Variants in RAB11B observed in about 807,000 individuals in gnomAD.
The protein encoded by RAB11B is RAB11B, member RAS oncogene family, also known as ras-related protein Rab-11B.
A neutral mutation model predicts 23.7 loss-of-function variants in RAB11B; 7 were observed. That is an observed-to-expected ratio of 0.29 (90% confidence interval 0.17 to 0.55). The LOEUF (loss-of-function observed/expected upper bound fraction) is 0.55, where lower values mean the gene tolerates loss of function less well. RAB11B is among the 20% of genes least tolerant of loss of function. The pLI, the probability that RAB11B is intolerant of heterozygous loss-of-function variation, is 0.93. For synonymous variants in RAB11B, 138 were observed against 132.0 expected (o/e 1.05, Z -0.31); for missense variants, 189 against 320.0 (o/e 0.59, Z 3.12).
chr19:8,402,315 C>G (rs933603217), intron 3 of RAB11B, 36 bp downstream of exon 3: 1 of 1,537,094 alleles, frequency 6.5e-7, no homozygotes, highest in African/African-American at 1.4e-5. Flanking sequence ...AGAGAGGTGT[C>G]TGGAAGGCAG....
chr19:8,402,372 T>C, intron 3 of RAB11B, 93 bp downstream of exon 3: 1 of 1,535,062 alleles, frequency 6.5e-7, no homozygotes, highest in Non-Finnish European at 8.8e-7. Context: ...CTGGCTTCCC[T>C]TCCCTGAGGA....
chr19:8,394,737 C>T (rs1971383231), intron 1 of RAB11B, among the ~76,000 whole-genome samples: 1 of 152,124 alleles, frequency 6.6e-6, no homozygotes, highest in Non-Finnish European at 1.5e-5. Flanking sequence ...TTGAGACAGC[C>T]TGGCCAACAT....
At chr19:8,393,174 C>T (rs1249062611) in intron 1 of RAB11B, among the ~76,000 whole-genome samples, 1 of 152,190 alleles carries the variant, frequency 6.6e-6, no homozygotes, top group Non-Finnish European at 1.5e-5. Flanking sequence ...CATTTATCCT[C>T]CTAACATTTT....
intron 3 of RAB11B, 52 bp from the exon 4 acceptor site, chr19:8,402,433 G>A: frequency 6.3e-7 from 1 of 1,581,742 alleles, no homozygotes; most frequent in Non-Finnish European, 8.7e-7. Context: ...AGAGCATGTG[G>A]GAGCCTGTCA....
intron 4 of RAB11B, chr19:8,402,992 AC>A: frequency 5.9e-6 from 2 of 340,934 alleles, no homozygotes; most frequent in South Asian, 4.0e-5. Context: ...ACCACCCCTA[AC>A]CTTTGCTTTT....
intron 1 of RAB11B, among the ~76,000 whole-genome samples, chr19:8,393,566 TC>T (rs955612501): frequency 2.6e-5 from 4 of 152,216 alleles, no homozygotes; most frequent in African/African-American, 9.6e-5. Flanking sequence ...GGCCTGCTGT[TC>T]CAGTTGCTGT....
intron 2 of RAB11B, among the ~76,000 whole-genome samples, chr19:8,400,995 G>T (rs1253072184): frequency 1.3e-5 from 2 of 151,996 alleles, no homozygotes; most frequent in African/African-American, 4.8e-5. Context: ...AGGCTCAAGC[G>T]ATTCTCCTGC....
intron 4 of RAB11B, 89 bp downstream of exon 4, chr19:8,402,654 C>CTTGTGTTTTTCTTT (rs1971447846): frequency 1.4e-5 from 13 of 930,042 alleles, no homozygotes; most frequent in Non-Finnish European, 2.2e-5. Context: ...TGTTCGTTTG[C>CTTGTGTTTTTCTTT]TTGTTTTTTT....
intron 4 of RAB11B, chr19:8,403,065 C>G (rs945860162): frequency 9.6e-5 from 33 of 342,736 alleles, no homozygotes; most frequent in Admixed American, 4.5e-5. Context: ...CTTGCTGGCA[C>G]TGGGGACACA....
At chr19:8,398,848 C>T (rs934145772) in intron 1 of RAB11B, among the ~76,000 whole-genome samples, 5 of 152,108 alleles carry the variant, frequency 3.3e-5, no homozygotes, top group Non-Finnish European at 2.9e-5. Flanking sequence ...GTGATTCGAT[C>T]TCGGCTCACT....
rs193059001 is a variant in RAB11B, at chr19:8,396,285, G to A, written c.41-3578G>A. Reference sequence around the variant, plus strand: ...GGCATCCTCTAGGTATGGGGCAGGCGGCATGCGTGGGAGGCTCTGCCAGCC... The same window carrying A: ...GGCATCCTCTAGGTATGGGGCAGGCAGCATGCGTGGGAGGCTCTGCCAGCC... On this transcript the variant is annotated intron_variant, in intron 1 of 4. Transcript: ENST00000328024. This position sits in a 1 kb window ranked among gnomAD's most constrained non-coding sequence, Gnocchi z 5.0. Among the ~76,000 whole-genome samples the A allele has an allele frequency of 1.6e-4, 24 of 152,310 alleles. No individual in the cohort carries two copies. Among genetic ancestry groups the A allele is most frequent in the African/African-American group, 4.6e-4 (19 of 41,566 alleles).
chr19:8,397,009 G>A (rs546550830), intron 1 of RAB11B, among the ~76,000 whole-genome samples: 2 of 152,234 alleles, frequency 1.3e-5, no homozygotes, highest in African/African-American at 4.8e-5. Context: ...TCTTGGATCT[G>A]TTTCGGATGT....
intron 1 of RAB11B, among the ~76,000 whole-genome samples, chr19:8,397,535 C>T (rs1219268247): frequency 6.6e-6 from 1 of 151,818 alleles, no homozygotes; most frequent in Non-Finnish European, 1.5e-5. Context: ...ACTGTGGGGG[C>T]GAAAGCGTGC....
chr19:8,399,711 A>C, intron 1 of RAB11B, 152 bp from the exon 2 acceptor site: 2 of 822,776 alleles, frequency 2.4e-6, no homozygotes, highest in Non-Finnish European at 3.9e-6. Context: ...CACTTAGCAC[A>C]GTGCCTGCAG....
At chr19:8,391,345 G>A (rs979487895) in intron 1 of RAB11B, among the ~76,000 whole-genome samples, 1 of 152,158 alleles carries the variant, frequency 6.6e-6, no homozygotes, top group African/African-American at 2.4e-5. Flanking sequence ...CAGCATCTGG[G>A]ACTTTGGGTT....
chr19:8,401,990 C>T (rs1971441225), intron 2 of RAB11B, 96 bp from the exon 3 acceptor site: 20 of 1,327,604 alleles, frequency 1.5e-5, no homozygotes, highest in East Asian at 5.1e-5. Flanking sequence ...CGGCCCTGGA[C>T]GACCCACCCT....
At chr19:8,400,195 G>T in intron 2 of RAB11B, 137 bp downstream of exon 2, 1 of 1,128,498 alleles carries the variant, frequency 8.9e-7, no homozygotes, top group Non-Finnish European at 1.3e-6. Context: ...GAGGCTGGAA[G>T]AACGCTTTAG....
intron 1 of RAB11B, 94 bp from the exon 2 acceptor site, chr19:8,399,769 G>T: frequency 7.1e-7 from 1 of 1,412,338 alleles, no homozygotes. Context: ...GTTGGCAGCC[G>T]CGTTGGTGCA....
In RAB11B at chr19:8,395,723, G is replaced by C. The variant is rs532974437; in HGVS notation, c.41-4140G>C. The stretch of plus-strand genomic sequence containing the variant: ...GAGGGGTCTTGAAGGATGAGTAGGA[G>C]TTTGCTGGCCGCCCCAGGGGGACAG... On this transcript the variant is annotated intron_variant, in intron 1 of 4. Coordinates refer to ENST00000328024, the MANE Select transcript of RAB11B (RefSeq NM_004218.4). Among the ~76,000 whole-genome samples, 2 of 152,344 alleles carry C rather than the reference G, an allele frequency of 1.3e-5. 1 individual carries two copies. The highest frequency in any genetic ancestry group is 4.8e-5 in the African/African-American group (2 of 41,570).
Sources: gnomAD v4.1 joint callset for allele counts (sites outside exome capture counted in the v4.1 genomes callset) on GRCh38, gnomAD v4.1.1 for gene constraint, Gnocchi (gnomAD v3.1) non-coding constraint, MANE v1.5 for transcripts, NCBI Gene and HGNC (gene_info 2026-07-23, HGNC 2026-07-21) for gene names.